KLHL7: variants seen among roughly 807,000 people sequenced by gnomAD.
KLHL7 encodes kelch-like protein 7.
A neutral mutation model predicts 67.4 loss-of-function variants in KLHL7; 44 were observed. That is an observed-to-expected ratio of 0.65 (90% confidence interval 0.51 to 0.84). The LOEUF is 0.84. KLHL7 is among the 40% of genes least tolerant of loss of function. The pLI is 0.00. For missense variants in KLHL7, 362 were observed against 718.1 expected (o/e 0.50, Z 5.67); for synonymous variants, 252 against 243.3 (o/e 1.04, Z -0.33).
Position 23,143,898 on chromosome 7 carries a change from C to G in KLHL7, c.666C>G (p.Arg222=). Reference sequence around the variant, plus strand: ...GGTTGAAATACGATGAACCTAATCGCCAGCCATTTATGGTTGATATCCTTG... The same window carrying G: ...GGTTGAAATACGATGAACCTAATCGGCAGCCATTTATGGTTGATATCCTTG... ...VRWLKYDEPN[R]QPFMVDILAK... is the part of the protein sequence containing the mutation. Residue 222 remains arginine, a synonymous_variant, in exon 6 of 11, where the codon CGC becomes CGG. Transcript: ENST00000339077. 6.2e-7 allele frequency: 1 copy of G among 1,614,140 alleles called. No homozygotes were observed. Among genetic ancestry groups the G allele is most frequent in the Non-Finnish European group, 8.5e-7 (1 of 1,180,002 alleles).
At chr7:23,171,184 C>A in intron 9 of KLHL7, 1 of 357,184 alleles carries the variant, frequency 2.8e-6, no homozygotes, top group Non-Finnish European at 5.7e-6. Flanking sequence ...GGATTACAGG[C>A]GAAAAAACGC....
In KLHL7 at chr7:23,167,821, CTT is replaced by C; in HGVS notation, c.1178-11_1178-10del. On this transcript the variant is annotated splice_polypyrimidine_tract_variant and intron_variant, in intron 8 of 10. Transcript: ENST00000339077. ...ACACTAAAGTTAAGCATGATGGGGC[CTT>C]TTTCTTTTACAGGAAACTCAGCTCT... The C allele has an allele frequency of 6.2e-7, 1 of 1,613,284 alleles. No homozygotes were observed.
intron 4 of KLHL7, chr7:23,125,840 A>G (rs1783549055): frequency 1.3e-6 from 2 of 1,550,632 alleles, no homozygotes; most frequent in Non-Finnish European, 8.7e-7. Flanking sequence ...TGGCACATGA[A>G]TGAACGTCCA....
chr7:23,172,363 G>C (rs530728475), intron 9 of KLHL7, among the ~76,000 whole-genome samples: 3 of 152,108 alleles, frequency 2.0e-5, no homozygotes, highest in Admixed American at 1.3e-4. Flanking sequence ...AGCAACATGA[G>C]GTATTAAACT....
chr7:23,108,212 C>G (rs1782723983), intron 1 of KLHL7, among the ~76,000 whole-genome samples: 1 of 152,172 alleles, frequency 6.6e-6, no homozygotes, highest in South Asian at 2.1e-4. Flanking sequence ...GTGAGATTAG[C>G]ATACCTCAGT....
intron 4 of KLHL7, among the ~76,000 whole-genome samples, chr7:23,127,584 A>G (rs1783621456): frequency 6.6e-6 from 1 of 152,162 alleles, no homozygotes; most frequent in Non-Finnish European, 1.5e-5. Flanking sequence ...GAAAGAGTCC[A>G]TCAATCGAGC....
At position 23,167,919 on chromosome 7, in the gene KLHL7, T is replaced by A. The variant is rs879255556; in HGVS notation, c.1261T>A (p.Cys421Ser). The A allele has an allele frequency of 6.2e-7, 1 of 1,614,244 alleles. No individual in the cohort carries two copies. The highest frequency in any genetic ancestry group is 8.5e-7 in the Non-Finnish European group (1 of 1,180,034). ...HTKPSMLTQR[C>S]SHGMVEANGL... The stretch of plus-strand genomic sequence containing the variant: ...AAAGCCCAGCATGCTGACCCAGCGC[T>A]GCAGCCATGGGATGGTGGAAGCCAA... The change falls in exon 9 of 11, where the codon TGC becomes AGC. Residue 421 changes from cysteine (C) to serine (S), a missense_variant. Physicochemically the swap from Cys to Ser is moderately radical, Grantham distance 112. Transcript: ENST00000339077.
chr7:23,155,391 G>T (rs990669144), intron 7 of KLHL7, among the ~76,000 whole-genome samples: 4 of 152,038 alleles, frequency 2.6e-5, no homozygotes, highest in African/African-American at 9.7e-5. Context: ...GGCCAGGCAC[G>T]GTGGCTCACA....
intron 10 of KLHL7, among the ~76,000 whole-genome samples, chr7:23,173,289 C>T (rs1351756023): frequency 6.6e-6 from 1 of 152,120 alleles, no homozygotes; most frequent in African/African-American, 2.4e-5. Flanking sequence ...CTATACATTC[C>T]CAGATACCTC....
chr7:23,125,077 C>G lies in KLHL7; in HGVS notation c.347C>G (p.Ser116Cys). 6.2e-7 allele frequency: 1 copy of G among 1,612,172 alleles called. No homozygotes were observed. Among genetic ancestry groups the G allele is most frequent in the South Asian group, 1.1e-5 (1 of 91,044 alleles). The change falls in exon 4 of 11, where the codon TCT becomes TGT. Residue 116 changes from serine (S) to cysteine (C), a missense_variant. Physicochemically the swap from Ser to Cys is moderately radical, Grantham distance 112 (BLOSUM62 -1). Coordinates refer to ENST00000339077, the MANE Select transcript of KLHL7 (RefSeq NM_001031710.3). ...RISVNSNNVQ[S>C]LLDAANQYQI... is the part of the protein sequence containing the mutation. The stretch of plus-strand genomic sequence containing the variant: ...TCCGTGAATAGCAACAATGTTCAGT[C>G]TTTGCTGGATGCAGCAAACCAATAT...
At chr7:23,128,775 A>T (rs59389125) in intron 4 of KLHL7, among the ~76,000 whole-genome samples, 7,495 of 152,210 alleles carry the variant, frequency 0.049, 221 homozygotes, top group South Asian at 0.078. Context: ...CCTGGCAACC[A>T]TGAATCTGCT....
chr7:23,167,801 A>G (rs1408463392), intron 8 of KLHL7, 35 bp from the exon 9 acceptor site: 1 of 1,595,040 alleles, frequency 6.3e-7, no homozygotes, highest in East Asian at 2.2e-5. Context: ...CGCACACACT[A>G]AAGTTAAGCA....
chr7:23,129,204 A>C, intron 4 of KLHL7: 1 of 209,804 alleles, frequency 4.8e-6, no homozygotes, highest in South Asian at 7.3e-5. Context: ...TACTGCATGC[A>C]GTGATCATGG....
intron 8 of KLHL7, among the ~76,000 whole-genome samples, chr7:23,167,588 T>C (rs1365690935): frequency 6.6e-6 from 1 of 152,240 alleles, no homozygotes; most frequent in African/African-American, 2.4e-5. Flanking sequence ...TTTATTTTTC[T>C]AAAGTTTAAT....
At chr7:23,173,158 A>G (rs1427261037) in intron 10 of KLHL7, 113 bp downstream of exon 10, 3 of 714,460 alleles carry the variant, frequency 4.2e-6, no homozygotes, top group Admixed American at 2.3e-5. Flanking sequence ...GTATATTATT[A>G]TATCTATTTT....
intron 4 of KLHL7, among the ~76,000 whole-genome samples, chr7:23,126,291 A>G (rs1783571409): frequency 6.6e-6 from 1 of 152,192 alleles, no homozygotes; most frequent in African/African-American, 2.4e-5. Flanking sequence ...AATTTCAAAC[A>G]TATGAATTGT....
intron 1 of KLHL7, among the ~76,000 whole-genome samples, chr7:23,121,166 T>G (rs978542957): frequency 4.6e-5 from 7 of 152,228 alleles, no homozygotes; most frequent in African/African-American, 1.7e-4. Context: ...AAGACAAGAT[T>G]TCATTCTTTG....
At chr7:23,111,216 G>A (rs936428458) in intron 1 of KLHL7, among the ~76,000 whole-genome samples, 12 of 152,182 alleles carry the variant, frequency 7.9e-5, no homozygotes, top group Non-Finnish European at 1.0e-4. Context: ...ATAAGAGTAG[G>A]TGTTAACTAG....
chr7:23,173,940 A>G, intron 10 of KLHL7, 75 bp from the exon 11 acceptor site: 1 of 1,446,172 alleles, frequency 6.9e-7, no homozygotes, highest in Non-Finnish European at 9.7e-7. Context: ...GAAAAATACA[A>G]AAAGTTATTA....
Sources: gnomAD v4.1 joint callset for allele counts (sites outside exome capture counted in the v4.1 genomes callset) on GRCh38, gnomAD v4.1.1 for gene constraint, MANE v1.5 for transcripts, NCBI Gene and HGNC (gene_info 2026-07-23, HGNC 2026-07-21) for gene names.